The following AADACL2 variants were observed in gnomAD, a reference collection of about 807,000 sequenced individuals.
AADACL2 encodes arylacetamide deacetylase like 2.
Under a neutral mutation model 22.3 loss-of-function variants are expected in AADACL2, and 23 were observed. That is an observed-to-expected ratio of 1.03 (90% confidence interval 0.74 to 1.46). AADACL2 has a LOEUF of 1.46. Among genes scored for constraint, AADACL2 ranks in the 40% most tolerant of loss-of-function variants. The pLI, the probability that AADACL2 is intolerant of heterozygous loss-of-function variation, is 0.00. For synonymous variants in AADACL2, 177 were observed against 166.2 expected (o/e 1.07, Z -0.50); for missense variants, 472 against 482.9 (o/e 0.98, Z 0.21).
chr3:151,741,795 AC>A (rs1560282178), intron 2 of AADACL2, among the ~76,000 whole-genome samples: 1 of 152,112 alleles, frequency 6.6e-6, no homozygotes, highest in African/African-American at 2.4e-5. Flanking sequence ...ATGGCCACTG[AC>A]AGGAAAATAT....
At chr3:151,748,106 T>G (rs1053796502) in intron 4 of AADACL2, among the ~76,000 whole-genome samples, 2 of 148,384 alleles carry the variant, frequency 1.3e-5, no homozygotes, top group Admixed American at 6.6e-5. Context: ...GTGCAGATGC[T>G]TTTTAGTTTG....
chr3:151,748,808 T>A (rs915375816), intron 4 of AADACL2, among the ~76,000 whole-genome samples: 7 of 152,186 alleles, frequency 4.6e-5, no homozygotes, highest in Non-Finnish European at 1.0e-4. Context: ...AATTTTTTAA[T>A]AAATTACCCA....
rs2107978443 is a variant in AADACL2, at chr3:151,733,957, A to G, written c.-79A>G. ...ACCTGAGAGAGTTCCCAAGTCTACA[A>G]TTGCTCTACTAGTTACTATTCAGTG... On this transcript the variant is annotated 5_prime_UTR_variant, in exon 1 of 5. Transcript: ENST00000356517. 7.0e-7 allele frequency: 1 copy of G among 1,420,466 alleles called. No homozygotes were observed. The highest frequency in any genetic ancestry group is 2.5e-5 in the East Asian group (1 of 39,920). 88.0% of individuals were successfully genotyped at this position (1,420,466 alleles called of 1,614,324 possible). A position where few individuals can be genotyped will look rare whatever the true frequency, so the allele number is the denominator to read the frequency against.
At position 151,757,866 on chromosome 3, in the gene AADACL2, A is replaced by G. The variant is rs1713999184; in HGVS notation, c.*272A>G. On this transcript the variant is annotated 3_prime_UTR_variant, in exon 5 of 5. Transcript: ENST00000356517. ...AGAACCAATGCTTATTAAAGTTGAG[A>G]AATAAGAGTGGTTATTGGCAAATTA... The G allele has an allele frequency of 8.3e-6, 2 of 240,064 alleles. No homozygotes were observed. The highest frequency in any genetic ancestry group is 2.1e-4 in the South Asian group (2 of 9,390). 14.9% of individuals were successfully genotyped at this position (240,064 alleles called of 1,614,324 possible). A position where few individuals can be genotyped will look rare whatever the true frequency, so the allele number is the denominator to read the frequency against.
intron 1 of AADACL2, among the ~76,000 whole-genome samples, chr3:151,740,292 C>T (rs920918188): frequency 6.6e-6 from 1 of 152,204 alleles, no homozygotes; most frequent in African/African-American, 2.4e-5. Context: ...AATGCCCCAC[C>T]CTGCTTCTGT....
At chr3:151,750,448 G>A (rs1713626957) in intron 4 of AADACL2, among the ~76,000 whole-genome samples, 2 of 151,902 alleles carry the variant, frequency 1.3e-5, no homozygotes, top group Non-Finnish European at 2.9e-5. Context: ...TGTTCCTAAC[G>A]AATAGTTTGC....
intron 3 of AADACL2, among the ~76,000 whole-genome samples, chr3:151,744,506 G>C (rs997752756): frequency 5.3e-5 from 8 of 152,054 alleles, no homozygotes; most frequent in South Asian, 4.1e-4. Flanking sequence ...GATTGTATTT[G>C]AGCAGGCAAG....
chr3:151,761,139 G>A lies in AADACL2; in HGVS notation c.*3545G>A. ...TATGGTGAGATATATATTTATATAT[G>A]GTGAGATATATATATATATGGTGAG... On this transcript the variant is annotated 3_prime_UTR_variant, in exon 5 of 5. Transcript: ENST00000356517. The A allele has an allele frequency of 8.6e-6, 1 of 116,512 alleles. No homozygotes were observed. The highest frequency in any genetic ancestry group is 1.7e-5 in the Non-Finnish European group (1 of 60,060). 7.2% of individuals were successfully genotyped at this position (116,512 alleles called of 1,614,324 possible). A position where few individuals can be genotyped will look rare whatever the true frequency, so the allele number is the denominator to read the frequency against.
chr3:151,753,117 A>G (rs1713733037), intron 4 of AADACL2, among the ~76,000 whole-genome samples: 1 of 152,172 alleles, frequency 6.6e-6, no homozygotes, highest in African/African-American at 2.4e-5. Flanking sequence ...TGTCCCATAC[A>G]TAGATAGTAT....
intron 4 of AADACL2, among the ~76,000 whole-genome samples, chr3:151,756,425 G>A (rs1417612880): frequency 6.6e-6 from 1 of 151,628 alleles, no homozygotes; most frequent in African/African-American, 2.4e-5. Context: ...CTTGGTCCAC[G>A]TGCTTTTGCA....
At chr3:151,753,075 A>G (rs190311171) in intron 4 of AADACL2, among the ~76,000 whole-genome samples, 16 of 152,304 alleles carry the variant, frequency 1.1e-4, no homozygotes, top group Admixed American at 6.5e-4. Context: ...GAAAAACATG[A>G]TTGACATGCA....
At chr3:151,742,118 A>G (rs1388131316) in intron 2 of AADACL2, among the ~76,000 whole-genome samples, 1 of 152,112 alleles carries the variant, frequency 6.6e-6, no homozygotes, top group Non-Finnish European at 1.5e-5. Context: ...GCAAATTTTA[A>G]TTTTCTTTCT....
chr3:151,747,656 A>C (rs1050352994), intron 4 of AADACL2, among the ~76,000 whole-genome samples: 1 of 151,490 alleles, frequency 6.6e-6, no homozygotes, highest in Non-Finnish European at 1.5e-5. Flanking sequence ...ACACACACAC[A>C]CACCAAATTT....
chr3:151,740,123 C>G (rs148399636), intron 1 of AADACL2, among the ~76,000 whole-genome samples: 61 of 152,350 alleles, frequency 4.0e-4, no homozygotes, highest in African/African-American at 1.3e-3. Context: ...TGCTTGAAAC[C>G]CAGGGCCCTG....
At chr3:151,748,873 C>G (rs1382233696) in intron 4 of AADACL2, among the ~76,000 whole-genome samples, 1 of 152,172 alleles carries the variant, frequency 6.6e-6, no homozygotes, top group Non-Finnish European at 1.5e-5. Context: ...CAATTTATTT[C>G]TTAGCTCTTT....
intron 1 of AADACL2, among the ~76,000 whole-genome samples, chr3:151,735,723 A>C (rs1713066457): frequency 6.6e-6 from 1 of 152,208 alleles, no homozygotes. Context: ...GTGCCATTGC[A>C]CTCTAGCCTG....
intron 2 of AADACL2, among the ~76,000 whole-genome samples, chr3:151,742,563 G>A (rs375041315): frequency 6.6e-6 from 1 of 152,152 alleles, no homozygotes; most frequent in Non-Finnish European, 1.5e-5. Flanking sequence ...AAGACCTCAA[G>A]GTCTCTGGAT....
chr3:151,739,318 C>T (rs1713198291), intron 1 of AADACL2, among the ~76,000 whole-genome samples: 2 of 152,170 alleles, frequency 1.3e-5, no homozygotes, highest in Non-Finnish European at 2.9e-5. Context: ...TGGGTATCAC[C>T]AGTGGAGGCT....
chr3:151,751,783 G>A (rs1341418472), intron 4 of AADACL2, among the ~76,000 whole-genome samples: 1 of 152,172 alleles, frequency 6.6e-6, no homozygotes, highest in Non-Finnish European at 1.5e-5. Context: ...TAACTTTTCA[G>A]CAGGACAATA....
Sources: allele counts gnomAD v4.1 joint callset (sites outside exome capture counted in the v4.1 genomes callset), GRCh38; gene constraint gnomAD v4.1.1; transcripts MANE v1.5; gene names NCBI Gene and HGNC (gene_info 2026-07-23, HGNC 2026-07-21).